Variants in TMEM135 observed in about 807,000 individuals in gnomAD.
TMEM135 encodes transmembrane protein 135, also known as peroxisomal membrane protein 52.
In TMEM135, 30 loss-of-function variants were observed where a neutral mutation model predicts 60.3. That is an observed-to-expected ratio of 0.50 (90% CI 0.37 to 0.68). The LOEUF is 0.68. Among genes scored for constraint, TMEM135 ranks in the 30% least tolerant of loss-of-function variants. The pLI is 0.00. For synonymous variants in TMEM135, 190 were observed against 186.7 expected (o/e 1.02, Z -0.14); for missense variants, 468 against 548.8 (o/e 0.85, Z 1.47).
chr11:87,245,855 T>A (rs11235037), intron 6 of TMEM135, among the ~76,000 whole-genome samples: 1,928 of 49,580 alleles, frequency 0.039, 68 homozygotes, highest in Middle Eastern at 0.08. Flanking sequence ...ATTTACATTT[T>A]AAGTTAATAT....
chr11:87,294,383 C>A (rs1465966617), intron 6 of TMEM135, among the ~76,000 whole-genome samples: 1 of 152,062 alleles, frequency 6.6e-6, no homozygotes, highest in Non-Finnish European at 1.5e-5. Flanking sequence ...ATATTTGAGG[C>A]CTTACTCTTT....
At chr11:87,077,914 C>T (rs991062101) in intron 3 of TMEM135, among the ~76,000 whole-genome samples, 3 of 152,152 alleles carry the variant, frequency 2.0e-5, no homozygotes, top group Non-Finnish European at 4.4e-5. Context: ...TCATACGTAT[C>T]ATTTCATTAC....
chr11:87,316,281 T>TGAGA lies in TMEM135; in HGVS notation c.1077+1735_1077+1736insAGAG, dbSNP rs201255812. Among the ~76,000 whole-genome samples the TGAGA allele has an allele frequency of 6.0e-5, 9 of 151,090 alleles. No homozygotes were observed. In the South Asian group the frequency reaches 8.4e-4, roughly 14 times the overall value. On this transcript the variant is annotated intron_variant, in intron 12 of 14. Coordinates refer to ENST00000305494, the MANE Select transcript of TMEM135 (RefSeq NM_022918.4). ...ACCCAAATATATGTGTGTGTGTGTG[T>TGAGA]GTGTGAGAGAGAGAGAGAGAGAGAC...
chr11:87,201,032 A>C (rs1212740162), intron 5 of TMEM135, among the ~76,000 whole-genome samples: 1 of 152,164 alleles, frequency 6.6e-6, no homozygotes, highest in African/African-American at 2.4e-5. Context: ...TAGGAAGTGA[A>C]GAAAGCTTAT....
chr11:87,261,054 T>G (rs906776796), intron 6 of TMEM135, among the ~76,000 whole-genome samples: 2 of 152,196 alleles, frequency 1.3e-5, no homozygotes, highest in Non-Finnish European at 2.9e-5. Flanking sequence ...TCCAGAGAAT[T>G]TAATTCCACT....
Position 87,254,378 on chromosome 11 carries a change from A to G in TMEM135, c.509+17694A>G, listed in dbSNP as rs991052734. Among the ~76,000 whole-genome samples the G allele has an allele frequency of 2.0e-5, 3 of 152,174 alleles. No individual in the cohort carries two copies. The East Asian group carries it at 5.8e-4, about 29-fold the overall frequency. On this transcript the variant is annotated intron_variant, in intron 6 of 14. Coordinates refer to ENST00000305494, the MANE Select transcript of TMEM135 (RefSeq NM_022918.4). The stretch of plus-strand genomic sequence containing the variant: ...TAGAATAGAAATTGTACAGTCTTCA[A>G]TGCCATATATAACAGACCCCTCTTT...
chr11:87,259,001 T>G, intron 6 of TMEM135: 1 of 1,524,684 alleles, frequency 6.6e-7, no homozygotes, highest in Admixed American at 1.7e-5. Flanking sequence ...ACCAGGATCA[T>G]AAAGGAAGTG....
intron 5 of TMEM135, among the ~76,000 whole-genome samples, chr11:87,189,450 C>T (rs1379787487): frequency 6.6e-6 from 1 of 152,094 alleles, no homozygotes; most frequent in South Asian, 2.1e-4. Flanking sequence ...CGTGAGCCAC[C>T]GTGCCCAGCC....
chr11:87,182,222 A>G (rs937099306), intron 5 of TMEM135, among the ~76,000 whole-genome samples: 1 of 152,090 alleles, frequency 6.6e-6, no homozygotes, highest in Non-Finnish European at 1.5e-5. Flanking sequence ...TGAACAGTGT[A>G]TATTGTGTGA....
chr11:87,267,619 A>G (rs954765486), intron 6 of TMEM135, among the ~76,000 whole-genome samples: 1 of 152,244 alleles, frequency 6.6e-6, no homozygotes, highest in Non-Finnish European at 1.5e-5. Context: ...TACACTATAT[A>G]AAAACTTCAT....
chr11:87,055,593 CTT>C (rs879320737), intron 1 of TMEM135, among the ~76,000 whole-genome samples: 10 of 144,276 alleles, frequency 6.9e-5, no homozygotes, highest in Admixed American at 1.4e-4. Context: ...AGTTAAGCAT[CTT>C]TTTTTTTTTT....
At chr11:87,237,076 G>C (rs1941013862) in intron 6 of TMEM135, among the ~76,000 whole-genome samples, 1 of 151,902 alleles carries the variant, frequency 6.6e-6, no homozygotes, top group Non-Finnish European at 1.5e-5. Context: ...AATGACAGTA[G>C]ATCTCTATCT....
intron 6 of TMEM135, among the ~76,000 whole-genome samples, chr11:87,283,610 A>G (rs1189691978): frequency 1.3e-5 from 2 of 152,216 alleles, no homozygotes; most frequent in Non-Finnish European, 2.9e-5. Flanking sequence ...TTGTAATGCC[A>G]GCACTTTGGG....
chr11:87,262,146 G>A (rs12271067), intron 6 of TMEM135, among the ~76,000 whole-genome samples: 53,751 of 151,810 alleles, frequency 0.35, 10,074 homozygotes, highest in Non-Finnish European at 0.42. Context: ...GCAGGTTTTC[G>A]TTGTTGCAAA....
At chr11:87,207,988 AT>A (rs1466376634) in intron 5 of TMEM135, among the ~76,000 whole-genome samples, 7 of 152,150 alleles carry the variant, frequency 4.6e-5, no homozygotes, top group Non-Finnish European at 1.0e-4. Flanking sequence ...CCCTAAAAAC[AT>A]CAATAAACAA....
At chr11:87,271,464 C>T (rs977239370) in intron 6 of TMEM135, among the ~76,000 whole-genome samples, 11 of 152,150 alleles carry the variant, frequency 7.2e-5, no homozygotes, top group East Asian at 1.9e-4. Flanking sequence ...CTAGCACATA[C>T]GGCTATTGAG....
At chr11:87,211,817 G>A (rs905567921) in intron 5 of TMEM135, among the ~76,000 whole-genome samples, 33 of 151,926 alleles carry the variant, frequency 2.2e-4, no homozygotes, top group South Asian at 4.1e-4. Context: ...GGTGGCAGGC[G>A]CCTGTAGTCC....
At chr11:87,158,114 T>TG (rs1362644609) in intron 5 of TMEM135, among the ~76,000 whole-genome samples, 4 of 152,154 alleles carry the variant, frequency 2.6e-5, no homozygotes, top group Non-Finnish European at 4.4e-5. Context: ...TTTGAGGAGA[T>TG]GGGGTCTTGC....
intron 4 of TMEM135, among the ~76,000 whole-genome samples, chr11:87,133,585 T>C (rs999938777): frequency 6.6e-6 from 1 of 152,204 alleles, no homozygotes; most frequent in African/African-American, 2.4e-5. Context: ...TTAAAGTATA[T>C]TGATACATTT....
Sources: gnomAD v4.1 joint callset for allele counts (sites outside exome capture counted in the v4.1 genomes callset) on GRCh38, gnomAD v4.1.1 for gene constraint, MANE v1.5 for transcripts, NCBI Gene and HGNC (gene_info 2026-07-23, HGNC 2026-07-21) for gene names.